Variants in CALN1 observed in about 807,000 individuals in gnomAD.
The protein encoded by CALN1 is calneuron 1, also known as calcium-binding protein 8.
Under a neutral mutation model 30.6 loss-of-function variants are expected in CALN1, and 17 were observed. The ratio of observed to expected loss-of-function variants is 0.56; its 90% CI spans 0.38 to 0.83. The LOEUF is 0.83. Among genes scored for constraint, CALN1 ranks in the 40% least tolerant of loss-of-function variants. The pLI, the probability that CALN1 is intolerant of heterozygous loss-of-function variation, is 0.00. For synonymous variants in CALN1, 156 were observed against 131.4 expected, an observed-to-expected ratio of 1.19 and a Z score of -1.28; for missense variants, 291 against 354.9, an observed-to-expected ratio of 0.82 and a Z score of 1.45.
At chr7:71,841,367 G>A (rs766286421) in intron 5 of CALN1, among the ~76,000 whole-genome samples, 20 of 152,254 alleles carry the variant, frequency 1.3e-4, no homozygotes, top group Non-Finnish European at 2.4e-4. Context: ...GGTTCCATCC[G>A]TTCATGCCTG....
At chr7:72,503,154 A>G in the CALN1 span, among the ~76,000 whole-genome samples, 1 of 150,148 alleles carries the variant, frequency 6.7e-6, no homozygotes, top group Non-Finnish European at 1.5e-5. Flanking sequence ...TCAAAAAAAG[A>G]AAAAAAAAAT....
chr7:72,172,652 G>T (rs1241139691), intron 3 of CALN1, among the ~76,000 whole-genome samples: 4 of 152,170 alleles, frequency 2.6e-5, no homozygotes, highest in African/African-American at 9.7e-5. Context: ...TCTTTAAAAA[G>T]AGATAATTCA....
intron 3 of CALN1, among the ~76,000 whole-genome samples, chr7:72,273,190 T>C (rs1797108366): frequency 6.6e-6 from 1 of 152,044 alleles, no homozygotes; most frequent in Non-Finnish European, 1.5e-5. Flanking sequence ...TCCCAACACT[T>C]TGGGAGGCCA....
intron 3 of CALN1, among the ~76,000 whole-genome samples, chr7:72,211,512 A>G (rs1353106393): frequency 6.6e-6 from 1 of 152,110 alleles, no homozygotes; most frequent in African/African-American, 2.4e-5. Context: ...ACTTACTCCT[A>G]TCATAGTTCA....
intron 1 of CALN1, among the ~76,000 whole-genome samples, chr7:72,431,820 G>C (rs1298166465): frequency 6.7e-6 from 1 of 149,686 alleles, no homozygotes; most frequent in Non-Finnish European, 1.5e-5. Flanking sequence ...ACTCCAACTG[G>C]GGCAAAAGAG....
intron 5 of CALN1, among the ~76,000 whole-genome samples, chr7:71,972,334 G>A (rs931364424): frequency 4.6e-5 from 7 of 152,178 alleles, no homozygotes; most frequent in African/African-American, 1.2e-4. Context: ...TATCTGACTC[G>A]AAAATTGTGT....
chr7:72,395,829 C>T (rs1437786977), intron 2 of CALN1, among the ~76,000 whole-genome samples: 1 of 152,064 alleles, frequency 6.6e-6, no homozygotes, highest in African/African-American at 2.4e-5. Flanking sequence ...GGCAAAAATC[C>T]TCCCCCTGGG....
chr7:72,159,922 C>T (rs925395666), intron 3 of CALN1, among the ~76,000 whole-genome samples: 25 of 152,168 alleles, frequency 1.6e-4, no homozygotes, highest in Admixed American at 1.6e-3. Context: ...TGACCAGCAG[C>T]CCAACAGACA....
chr7:72,021,890 A>G (rs1800730253), intron 5 of CALN1, among the ~76,000 whole-genome samples: 1 of 152,088 alleles, frequency 6.6e-6, no homozygotes, highest in Non-Finnish European at 1.5e-5. Context: ...CAACCCCACA[A>G]GACTTCTCTG....
intron 2 of CALN1, among the ~76,000 whole-genome samples, chr7:72,369,356 T>TGTTGTTG: frequency 1.3e-3 from 3 of 2,292 alleles, no homozygotes; most frequent in African/African-American, 2.8e-3. Context: ...AAATATTTAT[T>TGTTGTTG]TTTTTGTTGT....
At chr7:71,788,489 TTG>T (rs1251894822) in intron 6 of CALN1, among the ~76,000 whole-genome samples, 14 of 112,392 alleles carry the variant, frequency 1.2e-4, no homozygotes, top group South Asian at 9.6e-4. Context: ...TTTTTTTTTG[TTG>T]TTTTTTTTTT....
intron 5 of CALN1, among the ~76,000 whole-genome samples, chr7:71,983,261 T>C (rs889513196): frequency 6.6e-6 from 1 of 152,214 alleles, no homozygotes; most frequent in Admixed American, 6.5e-5. Context: ...TGTCCTTGAT[T>C]TCCTCGGCAT....
At chr7:72,002,864 C>A (rs1310215457) in intron 5 of CALN1, among the ~76,000 whole-genome samples, 1 of 152,114 alleles carries the variant, frequency 6.6e-6, no homozygotes, top group East Asian at 1.9e-4. Context: ...ATCACAAAAA[C>A]AGAGAATAAA....
chr7:72,502,858 A>C, the CALN1 span, among the ~76,000 whole-genome samples: 1 of 152,148 alleles, frequency 6.6e-6, no homozygotes, highest in African/African-American at 2.4e-5. Context: ...TATAACTGTA[A>C]AAAGAAATTG....
At chr7:72,025,840 T>A (rs2129530659) in intron 4 of CALN1, among the ~76,000 whole-genome samples, 1 of 152,188 alleles carries the variant, frequency 6.6e-6, no homozygotes, top group Middle Eastern at 3.4e-3. Context: ...TATTTCACAA[T>A]GCCAAGCAGA....
chr7:72,450,367 A>G (rs566010307), upstream of CALN1, among the ~76,000 whole-genome samples: 1 of 152,288 alleles, frequency 6.6e-6, no homozygotes, highest in Admixed American at 6.5e-5. Flanking sequence ...TACACCTGGC[A>G]TAAACAGTGT....
intron 1 of CALN1, among the ~76,000 whole-genome samples, chr7:72,411,163 A>G (rs924555954): frequency 1.3e-5 from 2 of 152,364 alleles, no homozygotes; most frequent in Non-Finnish European, 1.5e-5. Flanking sequence ...TTTGAAAAAA[A>G]CTATCAAAAG....
At chr7:72,464,327 G>A in the CALN1 span, among the ~76,000 whole-genome samples, 1 of 152,016 alleles carries the variant, frequency 6.6e-6, no homozygotes, top group East Asian at 1.9e-4. Flanking sequence ...AAGAGAAAAG[G>A]GTTTCTCCCT....
chr7:72,316,581 A>T (rs932342338), intron 2 of CALN1, among the ~76,000 whole-genome samples: 1 of 152,004 alleles, frequency 6.6e-6, no homozygotes, highest in Admixed American at 6.6e-5. Flanking sequence ...AGTGAATTTA[A>T]TTTTCTTCTA....
Sources: allele counts gnomAD v4.1 joint callset (sites outside exome capture counted in the v4.1 genomes callset), GRCh38; gene constraint gnomAD v4.1.1; transcripts MANE v1.5; gene names NCBI Gene and HGNC (gene_info 2026-07-23, HGNC 2026-07-21).